The following KIAA1217 variants were observed in gnomAD, a reference collection of about 807,000 sequenced individuals.
The protein encoded by KIAA1217 is KIAA1217, also known as sickle tail protein homolog.
A neutral mutation model predicts 163.9 loss-of-function variants in KIAA1217; 88 were observed. That is an observed-to-expected ratio of 0.54 (90% CI 0.45 to 0.64). The LOEUF (loss-of-function observed/expected upper bound fraction) is 0.64, where lower values mean the gene tolerates loss of function less well. Ranked by LOEUF, KIAA1217 falls within the 30% of genes least tolerant of loss-of-function variation. The pLI, the probability that KIAA1217 is intolerant of heterozygous loss-of-function variation, is 0.00. For missense variants in KIAA1217, 2,372 were observed against 2,475.0 expected (o/e 0.96, Z 0.88); for synonymous variants, 903 against 923.1 (o/e 0.98, Z 0.39).
chr10:24,463,387 G>A (rs942149624), intron 5 of KIAA1217, among the ~76,000 whole-genome samples: 1 of 152,120 alleles, frequency 6.6e-6, no homozygotes, highest in East Asian at 1.9e-4. Flanking sequence ...TAAGCTAACC[G>A]CTGACTGGAC....
chr10:24,372,722 T>G (rs139688443), intron 2 of KIAA1217, among the ~76,000 whole-genome samples: 2 of 152,350 alleles, frequency 1.3e-5, no homozygotes, highest in African/African-American at 4.8e-5. Context: ...TTTGGCTCTA[T>G]TGTGTCCAAT....
intron 2 of KIAA1217, chr10:24,275,844 C>T: frequency 2.2e-6 from 1 of 457,718 alleles, no homozygotes; most frequent in Non-Finnish European, 4.4e-6. Context: ...AAAGCAGTGT[C>T]TCATCTGCAG....
intron 1 of KIAA1217, among the ~76,000 whole-genome samples, chr10:23,785,858 G>A (rs772967979): frequency 6.6e-6 from 1 of 151,914 alleles, no homozygotes; most frequent in Non-Finnish European, 1.5e-5. Flanking sequence ...AAAGAGTAAA[G>A]GAGAAAGAAA....
chr10:24,321,584 T>C (rs576114724), intron 2 of KIAA1217, among the ~76,000 whole-genome samples: 1 of 152,128 alleles, frequency 6.6e-6, no homozygotes, highest in East Asian at 1.9e-4. Context: ...GAAGAATGGA[T>C]AAAATGTGAA....
At chr10:24,281,788 C>T (rs542111441) in intron 2 of KIAA1217, among the ~76,000 whole-genome samples, 5 of 151,802 alleles carry the variant, frequency 3.3e-5, no homozygotes, top group South Asian at 2.1e-4. Context: ...CGGCCGGGCT[C>T]GGTGGCTCAC....
chr10:23,796,751 C>A (rs1416560232), intron 1 of KIAA1217, among the ~76,000 whole-genome samples: 1 of 152,104 alleles, frequency 6.6e-6, no homozygotes, highest in Non-Finnish European at 1.5e-5. Context: ...GAGAACAAAG[C>A]AGCTCTACCC....
intron 1 of KIAA1217, among the ~76,000 whole-genome samples, chr10:23,786,429 GAC>G (rs1443368297): frequency 1.3e-5 from 2 of 151,530 alleles, no homozygotes; most frequent in Non-Finnish European, 2.9e-5. Context: ...AACAAATTCT[GAC>G]AGTTTAGACA....
chr10:24,308,635 G>A (rs907579912), intron 2 of KIAA1217, among the ~76,000 whole-genome samples: 2 of 152,174 alleles, frequency 1.3e-5, no homozygotes, highest in African/African-American at 2.4e-5. Context: ...AGAAAAACCT[G>A]TGCGTATCCA....
intron 2 of KIAA1217, among the ~76,000 whole-genome samples, chr10:24,182,450 A>ACACACACACACACACACACG (rs1421208877): frequency 5.3e-5 from 8 of 151,872 alleles, no homozygotes; most frequent in Non-Finnish European, 1.2e-4. Context: ...ACACACACAC[A>ACACACACACACACACACACG]CACACACACA....
At chr10:24,210,380 T>G (rs1310820116) in intron 1 of KIAA1217, among the ~76,000 whole-genome samples, 1 of 152,172 alleles carries the variant, frequency 6.6e-6, no homozygotes, top group East Asian at 1.9e-4. Flanking sequence ...TCTGCCTTCG[T>G]GCTGCCAAAG....
intron 11 of KIAA1217, among the ~76,000 whole-genome samples, chr10:24,520,640 AAAAAAAAAAAAATAT>A (rs1300717793): frequency 1.2e-4 from 11 of 90,522 alleles, no homozygotes; most frequent in South Asian, 3.4e-4. Context: ...AAAAAAAAAA[AAAAAAAAAAAAATAT>A]ATATATATAT....
At chr10:24,146,662 G>A (rs916480168) in intron 2 of KIAA1217, among the ~76,000 whole-genome samples, 2 of 151,638 alleles carry the variant, frequency 1.3e-5, no homozygotes, top group East Asian at 1.9e-4. Flanking sequence ...CAGCCGAAAT[G>A]ACACAGAGAG....
chr10:24,476,551 C>A (rs575924281), intron 6 of KIAA1217, among the ~76,000 whole-genome samples: 8 of 152,182 alleles, frequency 5.3e-5, no homozygotes, highest in African/African-American at 1.2e-4. Flanking sequence ...GAAAAACTGA[C>A]AAAACAGATG....
At chr10:24,468,016 C>G (rs2063131771) in intron 5 of KIAA1217, among the ~76,000 whole-genome samples, 1 of 152,184 alleles carries the variant, frequency 6.6e-6, no homozygotes. Context: ...CTAGGAAGAT[C>G]TCTCCTTAGT....
chr10:24,438,332 G>A, intron 4 of KIAA1217, 54 bp from the exon 5 acceptor site: 1 of 1,284,000 alleles, frequency 7.8e-7, no homozygotes, highest in Non-Finnish European at 1.1e-6. Context: ...CTAAGGAAAT[G>A]GCCAAAGTCA....
chr10:24,092,686 C>T (rs531574072), intron 2 of KIAA1217, among the ~76,000 whole-genome samples: 8 of 150,466 alleles, frequency 5.3e-5, no homozygotes, highest in South Asian at 2.1e-4. Flanking sequence ...TCACTGATAA[C>T]GTTATGAAAA....
chr10:24,046,205 C>G (rs1369618484), intron 2 of KIAA1217, among the ~76,000 whole-genome samples: 1 of 152,018 alleles, frequency 6.6e-6, no homozygotes, highest in African/African-American at 2.4e-5. Context: ...AAAATAGCTT[C>G]CATCTCTTAT....
At chr10:23,738,678 T>A (rs1015966312) in intron 1 of KIAA1217, among the ~76,000 whole-genome samples, 2 of 152,152 alleles carry the variant, frequency 1.3e-5, no homozygotes, top group Non-Finnish European at 1.5e-5. Context: ...AGGCAGATGA[T>A]TTTCCTTTAA....
intron 2 of KIAA1217, among the ~76,000 whole-genome samples, chr10:24,260,170 A>C (rs1197009996): frequency 6.6e-6 from 1 of 152,172 alleles, no homozygotes; most frequent in Non-Finnish European, 1.5e-5. Context: ...ATAAGCTTGG[A>C]TTTTGTGTGC....
Sources: allele counts gnomAD v4.1 joint callset (sites outside exome capture counted in the v4.1 genomes callset), GRCh38; gene constraint gnomAD v4.1.1; transcripts MANE v1.5; gene names NCBI Gene and HGNC (gene_info 2026-07-23, HGNC 2026-07-21).